Variants in PPARGC1A observed in about 807,000 individuals in gnomAD.
The protein encoded by PPARGC1A is peroxisome proliferator-activated receptor gamma coactivator 1-alpha.
A neutral mutation model predicts 88.7 loss-of-function variants in PPARGC1A; 25 were observed. The observed-to-expected ratio is 0.28, with a 90% CI of 0.21 to 0.39. The LOEUF (loss-of-function observed/expected upper bound fraction) is 0.39, where lower values mean the gene tolerates loss of function less well. PPARGC1A is among the 10% of genes least tolerant of loss of function. The probability of loss-of-function intolerance (pLI) is 1.00; values close to 1 mark genes in which losing one functional copy is unlikely to be tolerated. For synonymous variants in PPARGC1A, 363 were observed against 355.6 expected (o/e 1.02, Z -0.24); for missense variants, 880 against 968.7 (o/e 0.91, Z 1.22).
At chr4:24,468,860 C>T in the PPARGC1A span, among the ~76,000 whole-genome samples, 1 of 152,064 alleles carries the variant, frequency 6.6e-6, no homozygotes, top group South Asian at 2.1e-4. Flanking sequence ...CTTGTGATTC[C>T]AGGAAAAGAG....
the PPARGC1A span, among the ~76,000 whole-genome samples, chr4:23,974,826 TTGGTA>T: frequency 3.2e-5 from 3 of 94,772 alleles, no homozygotes; most frequent in East Asian, 2.5e-4. Context: ...TTTTTTTTTT[TTGGTA>T]TTTTTAGTAG....
the PPARGC1A span, among the ~76,000 whole-genome samples, chr4:24,219,739 G>A: frequency 6.6e-6 from 1 of 152,116 alleles, no homozygotes; most frequent in African/African-American, 2.4e-5. Flanking sequence ...TCAGTGTGGG[G>A]TACCTCAGAC....
chr4:24,454,768 G>A, the PPARGC1A span, among the ~76,000 whole-genome samples: 1 of 151,992 alleles, frequency 6.6e-6, no homozygotes, highest in Admixed American at 6.6e-5. Context: ...TTGACATATT[G>A]TGTTTGAAAT....
At chr4:24,437,546 G>T in the PPARGC1A span, among the ~76,000 whole-genome samples, 1 of 152,148 alleles carries the variant, frequency 6.6e-6, no homozygotes, top group Non-Finnish European at 1.5e-5. Flanking sequence ...TGAAGACTTT[G>T]TGAAGGACTT....
At chr4:24,289,936 G>T in the PPARGC1A span, among the ~76,000 whole-genome samples, 1 of 152,160 alleles carries the variant, frequency 6.6e-6, no homozygotes, top group African/African-American at 2.4e-5. Context: ...ATGGCTGGGG[G>T]GGCCTCCCAA....
At chr4:23,980,489 C>T in the PPARGC1A span, among the ~76,000 whole-genome samples, 10 of 152,202 alleles carry the variant, frequency 6.6e-5, no homozygotes, top group East Asian at 1.4e-3. Context: ...TAACAAATCT[C>T]CTAATCTTTG....
At chr4:24,445,583 C>T in the PPARGC1A span, among the ~76,000 whole-genome samples, 3 of 152,138 alleles carry the variant, frequency 2.0e-5, no homozygotes, top group Non-Finnish European at 2.9e-5. Flanking sequence ...TGTGAAGCTT[C>T]GCACTGAAAG....
At position 23,839,921 on chromosome 4, in the gene PPARGC1A, C is replaced by T. The variant is rs554408304; in HGVS notation, c.235-8170G>A. 3.1e-4 allele frequency among the ~76,000 whole-genome samples: 47 copies of T among 152,174 alleles called. 1 individual carries two copies. The highest frequency in any genetic ancestry group is 6.8e-3 in the Middle Eastern group (2 of 294). On this transcript the variant is annotated intron_variant, in intron 2 of 12. Coordinates refer to ENST00000264867, the MANE Select transcript of PPARGC1A (RefSeq NM_013261.5). Reference sequence around the variant, plus strand: ...CGCTCTCATAATTCAGTCATCTCCCCCGAGGTCCCTCCCACAACACATGGG... The same window carrying T: ...CGCTCTCATAATTCAGTCATCTCCCTCGAGGTCCCTCCCACAACACATGGG...
At chr4:24,233,573 C>T in the PPARGC1A span, among the ~76,000 whole-genome samples, 1 of 124,940 alleles carries the variant, frequency 8.0e-6, no homozygotes, top group Admixed American at 9.5e-5. Flanking sequence ...TAAGAGGACA[C>T]ACACAAACAC....
the PPARGC1A span, among the ~76,000 whole-genome samples, chr4:24,213,640 T>C: frequency 1.3e-5 from 2 of 152,140 alleles, no homozygotes; most frequent in East Asian, 3.9e-4. Context: ...AAGCAACTTA[T>C]AAAATTGATG....
At chr4:24,260,958 A>G in the PPARGC1A span, among the ~76,000 whole-genome samples, 14 of 152,098 alleles carry the variant, frequency 9.2e-5, no homozygotes, top group African/African-American at 3.4e-4. Flanking sequence ...TTCCCCAATA[A>G]GTTTTGCCAG....
chr4:24,144,886 T>C, the PPARGC1A span, among the ~76,000 whole-genome samples: 1 of 151,992 alleles, frequency 6.6e-6, no homozygotes, highest in Admixed American at 6.6e-5. Context: ...GCCAGGGACA[T>C]GTGTGTTTTC....
At chr4:23,799,195 A>C (rs1462606845) in intron 12 of PPARGC1A, among the ~76,000 whole-genome samples, 2 of 152,174 alleles carry the variant, frequency 1.3e-5, no homozygotes. Flanking sequence ...GAATATTTGA[A>C]TTCTTCAGGG....
chr4:24,034,943 A>T, the PPARGC1A span, among the ~76,000 whole-genome samples: 1 of 152,162 alleles, frequency 6.6e-6, no homozygotes, highest in Non-Finnish European at 1.5e-5. Flanking sequence ...GAGCACTGAG[A>T]ACAGCTCTGC....
At chr4:24,235,783 G>C in the PPARGC1A span, among the ~76,000 whole-genome samples, 1 of 152,084 alleles carries the variant, frequency 6.6e-6, no homozygotes, top group Non-Finnish European at 1.5e-5. Context: ...AATGAGACTG[G>C]GGGCAAAGGT....
At chr4:24,134,388 C>T in the PPARGC1A span, among the ~76,000 whole-genome samples, 1 of 152,330 alleles carries the variant, frequency 6.6e-6, no homozygotes, top group African/African-American at 2.4e-5. Context: ...TACAAATCAA[C>T]CCAGTCATCA....
At chr4:24,354,737 A>T in the PPARGC1A span, among the ~76,000 whole-genome samples, 2 of 152,056 alleles carry the variant, frequency 1.3e-5, no homozygotes, top group African/African-American at 4.8e-5. Flanking sequence ...ATACAAAAAA[A>T]TTAGCCGGGC....
the PPARGC1A span, among the ~76,000 whole-genome samples, chr4:24,350,150 G>A: frequency 6.6e-6 from 1 of 152,134 alleles, no homozygotes; most frequent in Non-Finnish European, 1.5e-5. Flanking sequence ...ACAATATTTG[G>A]GTGTCTCCCA....
At chr4:23,948,884 G>T in the PPARGC1A span, among the ~76,000 whole-genome samples, 4 of 152,146 alleles carry the variant, frequency 2.6e-5, no homozygotes, top group Admixed American at 1.3e-4. Context: ...AGATCTAAAA[G>T]GCTAGTGACC....
Sources: allele counts gnomAD v4.1 joint callset (sites outside exome capture counted in the v4.1 genomes callset), GRCh38; gene constraint gnomAD v4.1.1; transcripts MANE v1.5; gene names NCBI Gene and HGNC (gene_info 2026-07-23, HGNC 2026-07-21).